The following DLGAP2 variants were observed in gnomAD, a reference collection of about 807,000 sequenced individuals.
DLGAP2 encodes disks large-associated protein 2.
Under a neutral mutation model 100.3 loss-of-function variants are expected in DLGAP2, and 26 were observed. The ratio of observed to expected loss-of-function variants is 0.26; its 90% CI spans 0.19 to 0.36. The LOEUF is 0.36. Among genes scored for constraint, DLGAP2 ranks in the 10% least tolerant of loss-of-function variants. DLGAP2 has a pLI of 1.00. For synonymous variants in DLGAP2, 886 were observed against 630.1 expected, an observed-to-expected ratio of 1.41 and a Z score of -6.08; for missense variants, 1,858 against 1,453.2, an observed-to-expected ratio of 1.28 and a Z score of -4.53.
At chr8:1,522,067 C>G (rs943325468) in intron 4 of DLGAP2, among the ~76,000 whole-genome samples, 1 of 151,428 alleles carries the variant, frequency 6.6e-6, no homozygotes, top group African/African-American at 2.4e-5. Context: ...ATTTGGAATA[C>G]TCGGGGGCAG....
chr8:1,641,442 T>C (rs1797896531), intron 8 of DLGAP2, among the ~76,000 whole-genome samples: 1 of 152,150 alleles, frequency 6.6e-6, no homozygotes. Flanking sequence ...TGGGATGATC[T>C]CCCAGGTAAT....
intron 3 of DLGAP2, among the ~76,000 whole-genome samples, chr8:1,484,020 A>G (rs1469504712): frequency 6.6e-6 from 1 of 152,242 alleles, no homozygotes; most frequent in East Asian, 1.9e-4. Flanking sequence ...CATTTCAAAC[A>G]CTGTTCTAGG....
At chr8:896,415 G>A (rs1798142929) in intron 1 of DLGAP2, among the ~76,000 whole-genome samples, 3 of 151,924 alleles carry the variant, frequency 2.0e-5, no homozygotes, top group Non-Finnish European at 4.4e-5. Context: ...TGACACCAGG[G>A]CGGGGGGGCT....
At chr8:1,203,913 AC>A (rs1184874677) in intron 2 of DLGAP2, among the ~76,000 whole-genome samples, 1 of 114,036 alleles carries the variant, frequency 8.8e-6, no homozygotes, top group Non-Finnish European at 1.7e-5. Flanking sequence ...CAGCCTGACC[AC>A]CTGTGAGCCT....
chr8:1,271,638 T>G (rs897445277), intron 3 of DLGAP2, among the ~76,000 whole-genome samples: 2 of 152,166 alleles, frequency 1.3e-5, no homozygotes, highest in Non-Finnish European at 2.9e-5. Flanking sequence ...ATCTACTGTT[T>G]TATAAAAATG....
chr8:1,589,866 C>T (rs1796239063), intron 6 of DLGAP2, among the ~76,000 whole-genome samples: 1 of 152,098 alleles, frequency 6.6e-6, no homozygotes, highest in Admixed American at 6.5e-5. Context: ...CACTTCTGAC[C>T]CCGCAACACC....
intron 3 of DLGAP2, among the ~76,000 whole-genome samples, chr8:1,362,134 C>G (rs1801995945): frequency 6.6e-6 from 1 of 152,146 alleles, no homozygotes; most frequent in African/African-American, 2.4e-5. Context: ...ATTCTGTGAT[C>G]TGAGCCTTCT....
rs552311123 is a variant in DLGAP2 at position 1,310,166 on chromosome 8, A to G, written c.106+51283A>G. 2.6e-5 allele frequency among the ~76,000 whole-genome samples: 4 copies of G among 152,306 alleles called. No individual in the cohort carries two copies. The South Asian group carries it at 8.3e-4, about 32-fold the overall frequency. On this transcript the variant is annotated intron_variant, in intron 3 of 14. Coordinates refer to ENST00000637795, the MANE Select transcript of DLGAP2 (RefSeq NM_001346810.2). ...CCTAATATTATAAATTTATCTTCAA[A>G]GAAAGTATTTTAAAATATATACGCA...
chr8:857,389 G>A (rs1404479126), intron 1 of DLGAP2, among the ~76,000 whole-genome samples: 1 of 152,172 alleles, frequency 6.6e-6, no homozygotes. Flanking sequence ...TTCAGAGGAT[G>A]GAACAACAAA....
At chr8:1,368,893 C>T (rs573427231) in intron 3 of DLGAP2, 4 of 152,218 alleles carry the variant, frequency 2.6e-5, no homozygotes, top group Admixed American at 2.0e-4. Context: ...TGCGATGGCT[C>T]TAAGTGGCGT....
intron 1 of DLGAP2, among the ~76,000 whole-genome samples, chr8:841,978 C>T (rs1010279641): frequency 2.6e-5 from 4 of 152,300 alleles, no homozygotes; most frequent in East Asian, 3.9e-4. Flanking sequence ...CTTAACATAA[C>T]GATTTGGACA....
intron 1 of DLGAP2, among the ~76,000 whole-genome samples, chr8:770,500 T>C (rs1180607925): frequency 6.6e-6 from 1 of 152,228 alleles, no homozygotes; most frequent in Admixed American, 6.5e-5. Flanking sequence ...GGAAGCCATA[T>C]GTTCCTCAGC....
chr8:1,094,824 C>A (rs1471528841), intron 2 of DLGAP2, among the ~76,000 whole-genome samples: 2 of 152,220 alleles, frequency 1.3e-5, no homozygotes, highest in African/African-American at 4.8e-5. Context: ...TTAGAATGTA[C>A]TGAGAGTATA....
At chr8:1,282,596 C>A (rs1391430023) in intron 3 of DLGAP2, among the ~76,000 whole-genome samples, 1 of 124,936 alleles carries the variant, frequency 8.0e-6, no homozygotes, top group African/African-American at 3.0e-5. Context: ...CATGGTGTGA[C>A]CTGAACCCAG....
At chr8:802,710 C>G (rs990544641) in intron 1 of DLGAP2, among the ~76,000 whole-genome samples, 1 of 152,082 alleles carries the variant, frequency 6.6e-6, no homozygotes, top group Non-Finnish European at 1.5e-5. Context: ...CTAGCAGAGA[C>G]AGGTTGCATC....
chr8:745,626 C>G (rs1179274830), intron 1 of DLGAP2, among the ~76,000 whole-genome samples: 1 of 152,162 alleles, frequency 6.6e-6, no homozygotes, highest in African/African-American at 2.4e-5. Context: ...AATAAGTTAG[C>G]TAAGTGGATG....
rs142703910 is a variant in DLGAP2 at position 1,631,779 on chromosome 8, C to T, written c.1591-1048C>T. ...GAGGAAAGAGGCCGTCCTTCCAGCA[C>T]GTAGGTCACCTCAGGTGAAACCAGA... is the stretch of plus-strand genomic sequence containing the variant. On this transcript the variant is annotated intron_variant, in intron 7 of 14. Transcript: ENST00000637795. Among the ~76,000 whole-genome samples, 286 of 152,330 alleles carry T rather than the reference C, an allele frequency of 1.9e-3. 3 individuals are homozygous for T. Among genetic ancestry groups the T allele is most frequent in the Admixed American group, 0.015 (224 of 15,308 alleles).
chr8:1,042,302 T>C (rs1009588673), intron 2 of DLGAP2, among the ~76,000 whole-genome samples: 1 of 152,198 alleles, frequency 6.6e-6, no homozygotes, highest in East Asian at 1.9e-4. Context: ...TCATGATCCA[T>C]GAGGGAGAAA....
At chr8:1,556,292 C>T (rs780793181) in intron 5 of DLGAP2, among the ~76,000 whole-genome samples, 2 of 151,952 alleles carry the variant, frequency 1.3e-5, no homozygotes, top group African/African-American at 2.4e-5. Context: ...GCAGATGAGG[C>T]TCTGCTCCTG....
Sources: gnomAD v4.1 joint callset for allele counts (sites outside exome capture counted in the v4.1 genomes callset) on GRCh38, gnomAD v4.1.1 for gene constraint, MANE v1.5 for transcripts, NCBI Gene and HGNC (gene_info 2026-07-23, HGNC 2026-07-21) for gene names.